Variants in NELL1 observed in about 807,000 individuals in gnomAD.
NELL1 encodes the protein neural EGFL like 1, also known as protein kinase C-binding protein NELL1.
NELL1 carries 76 observed loss-of-function variants against 107.4 expected under a neutral mutation model. The ratio of observed to expected loss-of-function variants is 0.71; its 90% CI spans 0.59 to 0.86. The LOEUF is 0.86. Among genes scored for constraint, NELL1 ranks in the 40% least tolerant of loss-of-function variants. The probability of loss-of-function intolerance (pLI) is 0.00; values close to 1 mark genes in which losing one functional copy is unlikely to be tolerated. For synonymous variants in NELL1, 353 were observed against 341.2 expected (o/e 1.03, Z -0.38); for missense variants, 1,024 against 1,005.5 (o/e 1.02, Z -0.25).
At chr11:21,519,989 G>A (rs546266183) in intron 15 of NELL1, among the ~76,000 whole-genome samples, 6 of 152,092 alleles carry the variant, frequency 3.9e-5, no homozygotes, top group South Asian at 2.1e-4. Flanking sequence ...CATATCAATC[G>A]CTTTGGGAAA....
intron 11 of NELL1, among the ~76,000 whole-genome samples, chr11:20,959,940 A>G (rs1243197194): frequency 6.6e-6 from 1 of 152,244 alleles, no homozygotes; most frequent in East Asian, 1.9e-4. Context: ...AAGTAAAGCT[A>G]TAAAAAGCTG....
intron 4 of NELL1, among the ~76,000 whole-genome samples, chr11:20,866,623 A>T (rs1849100315): frequency 6.6e-6 from 1 of 152,226 alleles, no homozygotes. Context: ...TGTTGCTAAA[A>T]GGAAATGGCC....
chr11:20,837,217 G>T (rs182957047), intron 3 of NELL1, among the ~76,000 whole-genome samples: 1 of 152,248 alleles, frequency 6.6e-6, no homozygotes, highest in Non-Finnish European at 1.5e-5. Flanking sequence ...CGTGTATACA[G>T]AAAGTGAATA....
intron 2 of NELL1, among the ~76,000 whole-genome samples, chr11:20,703,028 G>A (rs921539616): frequency 3.5e-4 from 53 of 152,164 alleles, no homozygotes; most frequent in African/African-American, 1.2e-3. Context: ...AAGTGAGTTA[G>A]GGAGGATTCC....
At chr11:20,818,827 CAATA>C (rs1319989634) in intron 3 of NELL1, among the ~76,000 whole-genome samples, 1 of 152,190 alleles carries the variant, frequency 6.6e-6, no homozygotes, top group East Asian at 1.9e-4. Context: ...TGGAAAATCA[CAATA>C]AATATTAGCA....
intron 12 of NELL1, among the ~76,000 whole-genome samples, chr11:21,018,585 C>T (rs184819407): frequency 1.3e-4 from 20 of 152,118 alleles, no homozygotes; most frequent in Admixed American, 4.6e-4. Flanking sequence ...TCAGTCTGGC[C>T]GTTGTCACTG....
intron 5 of NELL1, among the ~76,000 whole-genome samples, chr11:20,915,717 A>ATATATATATATATTTTTTTGTTTTT: frequency 1.7e-5 from 1 of 58,224 alleles, no homozygotes; most frequent in African/African-American, 8.8e-5. Context: ...ATATATATAT[A>ATATATATATATATTTTTTTGTTTTT]TTTTTTTTTT....
At chr11:21,354,192 C>G (rs1850878235) in intron 14 of NELL1, among the ~76,000 whole-genome samples, 1 of 152,034 alleles carries the variant, frequency 6.6e-6, no homozygotes, top group South Asian at 2.1e-4. Flanking sequence ...TCCAGGAGCC[C>G]ATTGTCTGAA....
intron 7 of NELL1, among the ~76,000 whole-genome samples, chr11:20,923,285 G>C (rs1652235): frequency 1.3e-5 from 2 of 152,156 alleles, no homozygotes; most frequent in Non-Finnish European, 2.9e-5. Flanking sequence ...TCTCCTTTTA[G>C]GGTTAGGCAT....
At chr11:21,330,358 G>A (rs933759975) in intron 14 of NELL1, among the ~76,000 whole-genome samples, 60 of 151,936 alleles carry the variant, frequency 3.9e-4, no homozygotes, top group African/African-American at 1.3e-3. Context: ...TTCCATTTGG[G>A]GGTCAGTTGG....
intron 3 of NELL1, among the ~76,000 whole-genome samples, chr11:20,830,056 G>A (rs143840214): frequency 0.016 from 2,398 of 151,764 alleles, 23 homozygotes; most frequent in Non-Finnish European, 0.025. Flanking sequence ...GGTGGACCAC[G>A]AGGTCAAGAG....
At chr11:20,743,635 A>G (rs1590252527) in intron 2 of NELL1, among the ~76,000 whole-genome samples, 2 of 152,006 alleles carry the variant, frequency 1.3e-5, no homozygotes, top group South Asian at 4.2e-4. Context: ...CTCTTACCCC[A>G]CAGACCCTTA....
chr11:20,986,145 C>T (rs760196289), intron 12 of NELL1, among the ~76,000 whole-genome samples: 3 of 152,126 alleles, frequency 2.0e-5, no homozygotes, highest in Non-Finnish European at 2.9e-5. Flanking sequence ...TGCTACCCTC[C>T]GCTCCCTTTT....
At chr11:20,748,512 GTACAT>G (rs926662390) in intron 2 of NELL1, among the ~76,000 whole-genome samples, 8 of 152,134 alleles carry the variant, frequency 5.3e-5, no homozygotes, top group African/African-American at 1.9e-4. Flanking sequence ...TCTGAGTAGT[GTACAT>G]TGTACCCAGT....
intron 12 of NELL1, among the ~76,000 whole-genome samples, chr11:21,010,725 C>T (rs7941875): frequency 0.25 from 37,232 of 151,896 alleles, 8,834 homozygotes; most frequent in African/African-American, 0.63. Context: ...AGTGAGGTGC[C>T]GTAAAGCTTG....
chr11:21,054,580 G>C (rs1294291172), intron 12 of NELL1, among the ~76,000 whole-genome samples: 1 of 152,024 alleles, frequency 6.6e-6, no homozygotes, highest in African/African-American at 2.4e-5. Flanking sequence ...AGTGCTATTA[G>C]CCCTACCGGA....
At position 20,862,605 on chromosome 11, in the gene NELL1, CTTTTTTTTTTT is replaced by C. The variant is rs386373288; in HGVS notation, c.506+14865_506+14875del. Among the ~76,000 whole-genome samples the C allele has an allele frequency of 7.4e-3, 704 of 94,698 alleles. 5 individuals carry two copies. Among genetic ancestry groups the C allele is most frequent in the African/African-American group, 0.027 (667 of 25,128 alleles). 62.1% of individuals were successfully genotyped at this position (94,698 alleles called of 152,430 possible). On this transcript the variant is annotated intron_variant, in intron 4 of 19. Transcript: ENST00000357134. ...GCCCTAAAAATCTTTTGAGCTGCTG[CTTTTTTTTTTT>C]TTTTTTTTTTTTATTGATCATTCTT...
intron 5 of NELL1, among the ~76,000 whole-genome samples, chr11:20,885,828 G>T (rs1462099696): frequency 6.6e-6 from 1 of 152,200 alleles, no homozygotes; most frequent in Non-Finnish European, 1.5e-5. Context: ...AGGGATGGAT[G>T]ATCCAGAAGG....
At chr11:20,809,878 C>G (rs535083683) in intron 3 of NELL1, among the ~76,000 whole-genome samples, 14 of 152,276 alleles carry the variant, frequency 9.2e-5, no homozygotes, top group African/African-American at 3.4e-4. Flanking sequence ...TATATGTACT[C>G]AGTAGCGGGA....
Sources: allele counts gnomAD v4.1 joint callset (sites outside exome capture counted in the v4.1 genomes callset), GRCh38; gene constraint gnomAD v4.1.1; transcripts MANE v1.5; gene names NCBI Gene and HGNC (gene_info 2026-07-23, HGNC 2026-07-21).